Variants in FILIP1L observed in about 807,000 individuals in gnomAD.
FILIP1L encodes filamin A interacting protein 1 like, also known as filamin A-interacting protein 1-like.
Under a neutral mutation model 96.6 loss-of-function variants are expected in FILIP1L, and 55 were observed. That is an observed-to-expected ratio of 0.57 (90% CI 0.46 to 0.71). FILIP1L has a LOEUF of 0.71. Among genes scored for constraint, FILIP1L ranks in the 30% least tolerant of loss-of-function variants. The pLI is 0.00. For synonymous variants in FILIP1L, 467 were observed against 473.9 expected (o/e 0.99, Z 0.19); for missense variants, 1,304 against 1,321.2 (o/e 0.99, Z 0.20).
intron 1 of FILIP1L, among the ~76,000 whole-genome samples, chr3:99,953,746 T>G: frequency 6.6e-6 from 1 of 152,210 alleles, no homozygotes; most frequent in Non-Finnish European, 1.5e-5. Flanking sequence ...TGGCCTTTCC[T>G]AGAAACTCAG....
At chr3:100,009,645 A>G (rs564546208) in intron 1 of FILIP1L, among the ~76,000 whole-genome samples, 38 of 152,340 alleles carry the variant, frequency 2.5e-4, no homozygotes, top group Middle Eastern at 3.4e-3. Flanking sequence ...CAGCCAAAAC[A>G]TCTAAGTGTT....
chr3:100,072,340 A>T lies in FILIP1L; in HGVS notation c.-11+41713T>A, dbSNP rs368839641. Reference sequence around the variant, plus strand: ...CCTAGTTCATTCTGTGCATTTCCAAATCTGGGCTCAAACTTGAACATGGCT... The same window carrying T: ...CCTAGTTCATTCTGTGCATTTCCAATTCTGGGCTCAAACTTGAACATGGCT... On this transcript the variant is annotated intron_variant, in intron 1 of 5. Coordinates refer to ENST00000477258, the MANE Select transcript of FILIP1L (RefSeq NM_001387850.1). Among the ~76,000 whole-genome samples, 4 of 152,280 alleles carry T rather than the reference A, an allele frequency of 2.6e-5. No homozygotes were observed. The East Asian group carries it at 5.8e-4, about 22-fold the overall frequency.
chr3:100,101,727 A>G (rs1411153033), intron 1 of FILIP1L, among the ~76,000 whole-genome samples: 10 of 152,106 alleles, frequency 6.6e-5, no homozygotes, highest in African/African-American at 2.4e-4. Flanking sequence ...CCATTAACTC[A>G]TCATTTAACA....
chr3:99,859,908 C>T (rs1244488984), intron 4 of FILIP1L, among the ~76,000 whole-genome samples: 2 of 152,172 alleles, frequency 1.3e-5, no homozygotes, highest in Non-Finnish European at 2.9e-5. Context: ...TCTGTGTATG[C>T]TGCTTCCTTG....
intron 1 of FILIP1L, among the ~76,000 whole-genome samples, chr3:99,943,565 G>C (rs1303399816): frequency 6.6e-6 from 1 of 152,024 alleles, no homozygotes; most frequent in Non-Finnish European, 1.5e-5. Context: ...TTAGCCGGGC[G>C]TGGTGGCATG....
At chr3:100,028,582 A>T (rs1280019759) in intron 1 of FILIP1L, among the ~76,000 whole-genome samples, 1 of 152,186 alleles carries the variant, frequency 6.6e-6, no homozygotes, top group Non-Finnish European at 1.5e-5. Context: ...ATTATTTTTT[A>T]AAAATAATAT....
At position 99,913,564 on chromosome 3, in the gene FILIP1L, T is replaced by A. The variant is rs190163942; in HGVS notation, c.605+10666A>T. Among the ~76,000 whole-genome samples, 445 of 152,294 alleles carry A rather than the reference T, an allele frequency of 2.9e-3. 2 individuals are homozygous for A. Among genetic ancestry groups the A allele is most frequent in the African/African-American group, 9.9e-3 (412 of 41,562 alleles). On this transcript the variant is annotated intron_variant, in intron 4 of 5. Coordinates refer to ENST00000477258, the MANE Select transcript of FILIP1L (RefSeq NM_001387850.1). Reference sequence around the variant, plus strand: ...AGGTGGCCTGGCTAAATGAATTGCATCTATAAAATTGAATAATATGCAACC... The same window carrying A: ...AGGTGGCCTGGCTAAATGAATTGCAACTATAAAATTGAATAATATGCAACC...
chr3:99,876,683 G>T (rs1433891941), intron 4 of FILIP1L, among the ~76,000 whole-genome samples: 10 of 152,142 alleles, frequency 6.6e-5, no homozygotes, highest in African/African-American at 2.4e-4. Flanking sequence ...ATGAGTAGGG[G>T]TCCTCAGAGG....
intron 1 of FILIP1L, among the ~76,000 whole-genome samples, chr3:100,038,236 G>A (rs1021541455): frequency 6.6e-6 from 1 of 152,114 alleles, no homozygotes; most frequent in Non-Finnish European, 1.5e-5. Context: ...GATTACAGGC[G>A]TGAGCCACCA....
chr3:100,023,554 G>A (rs1031245119), intron 1 of FILIP1L: 16 of 152,692 alleles, frequency 1.0e-4, no homozygotes, highest in Middle Eastern at 3.4e-3. Flanking sequence ...CAGTTTCTTG[G>A]GGGGAGAGAA....
chr3:99,886,387 C>A (rs1347316580), intron 4 of FILIP1L, among the ~76,000 whole-genome samples: 1 of 151,038 alleles, frequency 6.6e-6, no homozygotes, highest in Non-Finnish European at 1.5e-5. Context: ...ACATAAAATA[C>A]ACTTAACACT....
chr3:99,971,935 T>G (rs1034814500), intron 1 of FILIP1L, among the ~76,000 whole-genome samples: 1 of 152,228 alleles, frequency 6.6e-6, no homozygotes, highest in Non-Finnish European at 1.5e-5. Context: ...GTTGCTGACC[T>G]AGATATATGT....
At chr3:99,995,005 C>T (rs1709634750) in intron 1 of FILIP1L, among the ~76,000 whole-genome samples, 1 of 152,160 alleles carries the variant, frequency 6.6e-6, no homozygotes, top group Admixed American at 6.5e-5. Flanking sequence ...CTCCAAATCT[C>T]ATGTCCTCAC....
chr3:100,109,544 G>C (rs1002318910), intron 1 of FILIP1L, among the ~76,000 whole-genome samples: 7 of 152,002 alleles, frequency 4.6e-5, no homozygotes, highest in Non-Finnish European at 1.0e-4. Context: ...AGTTTTTGGG[G>C]GTTTTTTCCC....
At chr3:100,021,110 C>T (rs894352162) in intron 1 of FILIP1L, among the ~76,000 whole-genome samples, 2 of 152,128 alleles carry the variant, frequency 1.3e-5, no homozygotes, top group African/African-American at 4.8e-5. Context: ...TTTTCAAGGC[C>T]GGTCAATTGC....
At chr3:100,022,051 A>G (rs921419059) in intron 1 of FILIP1L, among the ~76,000 whole-genome samples, 7 of 151,848 alleles carry the variant, frequency 4.6e-5, no homozygotes, top group African/African-American at 1.7e-4. Flanking sequence ...TCCATAAAGC[A>G]TTTGCAGTAG....
At position 100,058,065 on chromosome 3, in the gene FILIP1L, C is replaced by T. The variant is rs149355779; in HGVS notation, c.-11+55988G>A. Among the ~76,000 whole-genome samples the T allele has an allele frequency of 5.9e-5, 9 of 152,320 alleles. No individual in the cohort carries two copies. The East Asian group carries it at 1.7e-3, about 29-fold the overall frequency. On this transcript the variant is annotated intron_variant, in intron 1 of 5. Transcript: ENST00000477258. ...TCAAAGTAATCCCAGGCAATATGCA[C>T]AATTTTTTATTTTCTTTTTGCAGTT...
At chr3:99,842,030 A>G (rs1320514965) in intron 5 of FILIP1L, among the ~76,000 whole-genome samples, 1 of 152,222 alleles carries the variant, frequency 6.6e-6, no homozygotes, top group Admixed American at 6.5e-5. Context: ...ATACTTGCAT[A>G]TAAGTGTGTT....
intron 4 of FILIP1L, among the ~76,000 whole-genome samples, chr3:99,886,563 TG>T (rs888721420): frequency 6.6e-6 from 1 of 151,948 alleles, no homozygotes; most frequent in Non-Finnish European, 1.5e-5. Context: ...GCCCAGATTT[TG>T]GGGGGGTAGA....
Sources: gnomAD v4.1 joint callset for allele counts (sites outside exome capture counted in the v4.1 genomes callset) on GRCh38, gnomAD v4.1.1 for gene constraint, MANE v1.5 for transcripts, NCBI Gene and HGNC (gene_info 2026-07-23, HGNC 2026-07-21) for gene names.